SYT2: variants seen among roughly 807,000 people sequenced by gnomAD.
SYT2 encodes synaptotagmin-2.
SYT2 carries 15 observed loss-of-function variants against 39.9 expected under a neutral mutation model. The observed-to-expected ratio is 0.38, with a 90% CI of 0.25 to 0.58. SYT2 has a LOEUF of 0.58. SYT2 is among the 20% of genes least tolerant of loss of function. The pLI is 0.70. For synonymous variants in SYT2, 181 were observed against 204.5 expected (o/e 0.89, Z 0.98); for missense variants, 389 against 530.3 (o/e 0.73, Z 2.62).
intron 1 of SYT2, among the ~76,000 whole-genome samples, chr1:202,619,719 G>A (rs1327107270): frequency 6.6e-6 from 1 of 152,194 alleles, no homozygotes; most frequent in Non-Finnish European, 1.5e-5. Context: ...TTGCCAGAGA[G>A]GTCAAAGTCC....
At chr1:202,659,485 GAGATAGCTT>G (rs1318138105) in intron 1 of SYT2, among the ~76,000 whole-genome samples, 1 of 152,184 alleles carries the variant, frequency 6.6e-6, no homozygotes, top group African/African-American at 2.4e-5. Context: ...GCGGCAAAAA[GAGATAGCTT>G]AGAAGTGTGG....
At chr1:202,611,975 C>T (rs1297800324) in intron 1 of SYT2, among the ~76,000 whole-genome samples, 7 of 152,014 alleles carry the variant, frequency 4.6e-5, no homozygotes, top group Non-Finnish European at 8.8e-5. Flanking sequence ...CTCAGCCTCC[C>T]GAGTAGCTAG....
At chr1:202,654,912 T>C (rs932939759) in intron 1 of SYT2, among the ~76,000 whole-genome samples, 2 of 151,564 alleles carry the variant, frequency 1.3e-5, no homozygotes, top group African/African-American at 2.4e-5. Flanking sequence ...TGAAGAGAGG[T>C]AGAATGTTCA....
chr1:202,624,522 G>A lies in SYT2; in HGVS notation c.-17-18733C>T, dbSNP rs528300622. Among the ~76,000 whole-genome samples the A allele has an allele frequency of 7.8e-4, 109 of 139,408 alleles. 3 individuals are homozygous for A. In the South Asian group the frequency reaches 0.019, roughly 24 times the overall value. 91.5% of individuals were successfully genotyped at this position (139,408 alleles called of 152,430 possible). A position where few individuals can be genotyped will look rare whatever the true frequency, so the allele number is the denominator to read the frequency against. ...GGTGTGTATGGTGTGTGTCTGTGTG[G>A]TGTGTAGTAGAGTGTGGATGTGTGT... On this transcript the variant is annotated intron_variant, in intron 1 of 8. Transcript: ENST00000367268.
intron 1 of SYT2, among the ~76,000 whole-genome samples, chr1:202,698,863 A>G (rs529171271): frequency 6.6e-6 from 1 of 152,318 alleles, no homozygotes; most frequent in East Asian, 1.9e-4. Flanking sequence ...GGCCTGCTCA[A>G]TGAGGAGCTT....
At chr1:202,641,639 C>T (rs1000021326) in intron 1 of SYT2, among the ~76,000 whole-genome samples, 8 of 152,356 alleles carry the variant, frequency 5.3e-5, no homozygotes, top group South Asian at 2.1e-4. Context: ...CAAGGACTGT[C>T]ACATTGCACA....
intron 1 of SYT2, among the ~76,000 whole-genome samples, chr1:202,687,581 G>A (rs1017379155): frequency 8.0e-5 from 12 of 149,400 alleles, no homozygotes; most frequent in African/African-American, 3.0e-4. Flanking sequence ...AGACGCCAGG[G>A]AGAAAGAGCC....
At position 202,599,202 on chromosome 1, in the gene SYT2, C is replaced by T. The variant is rs778851008; in HGVS notation, c.1053+16G>A. On this transcript the variant is annotated intron_variant, in intron 8 of 8. Coordinates refer to ENST00000367268, the MANE Select transcript of SYT2 (RefSeq NM_177402.5). The surrounding 1 kb of genome is among the most constrained non-coding windows in gnomAD (Gnocchi z 4.4). ...CCAAACCCTGCTCCATGCCTAGGAA[C>T]CCAGGGCTCCAGCACCTGAATCTGC... 6.8e-6 allele frequency: 11 copies of T among 1,612,644 alleles called. No individual in the cohort carries two copies. Among genetic ancestry groups the T allele is most frequent in the Non-Finnish European group, 8.5e-6 (10 of 1,179,420 alleles).
At chr1:202,654,588 C>T (rs1420331028) in intron 1 of SYT2, among the ~76,000 whole-genome samples, 1 of 152,154 alleles carries the variant, frequency 6.6e-6, no homozygotes, top group Non-Finnish European at 1.5e-5. Flanking sequence ...AAGGTTGTGC[C>T]CTCATGGGGA....
At chr1:202,668,370 T>C (rs1572668479) in intron 1 of SYT2, among the ~76,000 whole-genome samples, 1 of 152,362 alleles carries the variant, frequency 6.6e-6, no homozygotes, top group African/African-American at 2.4e-5. Context: ...TGAAAGTGCT[T>C]TATAAAGTTG....
intron 1 of SYT2, among the ~76,000 whole-genome samples, chr1:202,692,775 T>G (rs2149118065): frequency 6.6e-6 from 1 of 152,276 alleles, no homozygotes; most frequent in South Asian, 2.1e-4. Flanking sequence ...ATTGGAAAGT[T>G]AGGGCTGGGG....
chr1:202,645,573 TC>T (rs1383526563), intron 1 of SYT2, among the ~76,000 whole-genome samples: 1 of 152,184 alleles, frequency 6.6e-6, no homozygotes, highest in Admixed American at 6.5e-5. Flanking sequence ...CATGGTTCCT[TC>T]TGATAAAATG....
At chr1:202,630,428 G>T (rs1427167472) in intron 1 of SYT2, 3 of 983,350 alleles carry the variant, frequency 3.1e-6, no homozygotes, top group South Asian at 4.7e-5. Context: ...CAGGGCAAAG[G>T]CACCTAGAAC....
Position 202,599,441 on chromosome 1 carries a change from C to T in SYT2, c.920-90G>A. 1 of 1,416,974 alleles carries T rather than the reference C, an allele frequency of 7.1e-7. No homozygotes were observed. The highest frequency in any genetic ancestry group is 9.4e-7 in the Non-Finnish European group (1 of 1,061,296). The allele number at this position is 1,416,974 out of a possible 1,614,324, so 87.8% of individuals were successfully genotyped here. A position where few individuals can be genotyped will look rare whatever the true frequency, so the allele number is the denominator to read the frequency against. On this transcript the variant is annotated intron_variant, in intron 7 of 8. Transcript: ENST00000367268. This position sits in a 1 kb window ranked among gnomAD's most constrained non-coding sequence, Gnocchi z 4.4. The stretch of plus-strand genomic sequence containing the variant: ...ACCAAGGCCTGCCCAGAGCATCGGT[C>T]AAGAGGGGGTCTTCACTCCGCTGAG...
At position 202,663,870 on chromosome 1, in the gene SYT2, C is replaced by T. The variant is rs185820439; in HGVS notation, c.-18+46388G>A. 3.8e-3 allele frequency among the ~76,000 whole-genome samples: 582 copies of T among 152,236 alleles called. 9 individuals are homozygous for T. The highest frequency in any genetic ancestry group is 0.013 in the African/African-American group (559 of 41,542). On this transcript the variant is annotated intron_variant, in intron 1 of 8. Transcript: ENST00000367268. ...TACTGGGCTCTTAGAGGAACGGATG[C>T]TCCTTTCTCTGGGTTTGTACTAACT...
At chr1:202,621,647 C>T (rs1364170023) in intron 1 of SYT2, among the ~76,000 whole-genome samples, 1 of 152,198 alleles carries the variant, frequency 6.6e-6, no homozygotes, top group Non-Finnish European at 1.5e-5. Flanking sequence ...GTTTGTGTAG[C>T]TCACCCAGAA....
intron 1 of SYT2, among the ~76,000 whole-genome samples, chr1:202,620,074 G>GA (rs1691163425): frequency 6.6e-6 from 1 of 152,240 alleles, no homozygotes; most frequent in Admixed American, 6.5e-5. Context: ...CAGGAAGGGG[G>GA]AGTCTCCAAT....
chr1:202,600,322 T>G, intron 7 of SYT2, 35 bp downstream of exon 7: 1 of 1,573,486 alleles, frequency 6.4e-7, no homozygotes, highest in Non-Finnish European at 8.7e-7. Context: ...GGCTCGCTGG[T>G]GCCACCCAAT....
intron 1 of SYT2, among the ~76,000 whole-genome samples, chr1:202,677,554 C>T (rs1346836135): frequency 3.9e-5 from 6 of 152,174 alleles, no homozygotes; most frequent in African/African-American, 1.2e-4. Flanking sequence ...AGCCCCAACT[C>T]GCCATGTGAA....
Sources: allele counts gnomAD v4.1 joint callset (sites outside exome capture counted in the v4.1 genomes callset), GRCh38; gene constraint gnomAD v4.1.1; non-coding constraint Gnocchi (gnomAD v3.1); transcripts MANE v1.5; gene names NCBI Gene and HGNC (gene_info 2026-07-23, HGNC 2026-07-21).